Variants in DPYD observed in about 807,000 individuals in gnomAD.
DPYD encodes dihydropyrimidine dehydrogenase [NADP(+)].
In DPYD, 109 loss-of-function variants were observed where a neutral mutation model predicts 116.2. The ratio of observed to expected loss-of-function variants is 0.94; its 90% confidence interval spans 0.80 to 1.10. The LOEUF (loss-of-function observed/expected upper bound fraction) is 1.10. DPYD is among the 50% of genes least tolerant of loss of function. The pLI, the probability that DPYD is intolerant of heterozygous loss-of-function variation, is 0.00. For synonymous variants in DPYD, 440 were observed against 432.0 expected (o/e 1.02, Z -0.23); for missense variants, 1,302 against 1,254.5 (o/e 1.04, Z -0.57).
intron 21 of DPYD, among the ~76,000 whole-genome samples, chr1:97,095,191 T>G (rs776075767): frequency 1.3e-5 from 2 of 152,146 alleles, no homozygotes; most frequent in Non-Finnish European, 2.9e-5. Flanking sequence ...GCATAAAACT[T>G]TTTTCTAGAG....
chr1:97,157,584 A>C (rs930902123), intron 20 of DPYD, among the ~76,000 whole-genome samples: 12 of 152,140 alleles, frequency 7.9e-5, no homozygotes, highest in African/African-American at 2.9e-4. Flanking sequence ...TTCCATGGTG[A>C]CTGAATGGGG....
chr1:97,682,897 C>G (rs915653203), intron 7 of DPYD, among the ~76,000 whole-genome samples: 1 of 152,078 alleles, frequency 6.6e-6, no homozygotes, highest in African/African-American at 2.4e-5. Flanking sequence ...GTAATAGTCA[C>G]TACTTTATTC....
intron 12 of DPYD, chr1:97,546,200 C>T (rs1650843216): frequency 4.6e-6 from 7 of 1,525,534 alleles, no homozygotes; most frequent in Non-Finnish European, 6.4e-6. Context: ...CTAACAAGAA[C>T]AGGACAAAAC....
chr1:97,443,447 C>G (rs985471512), intron 14 of DPYD, among the ~76,000 whole-genome samples: 20 of 152,120 alleles, frequency 1.3e-4, no homozygotes, highest in Admixed American at 6.6e-4. Context: ...ACTAGTCTTC[C>G]CTTCAATAGT....
chr1:97,210,939 C>G (rs1231842545), intron 19 of DPYD, among the ~76,000 whole-genome samples: 1 of 152,172 alleles, frequency 6.6e-6, no homozygotes, highest in Admixed American at 6.6e-5. Flanking sequence ...ATAACCACAG[C>G]TTCTTGCAAC....
intron 13 of DPYD, among the ~76,000 whole-genome samples, chr1:97,467,630 TGTC>T (rs1248421666): frequency 6.6e-6 from 1 of 152,194 alleles, no homozygotes; most frequent in Non-Finnish European, 1.5e-5. Context: ...GCTATCAGGT[TGTC>T]AGTGTTTGTC....
At chr1:97,316,042 G>C (rs560623324) in intron 16 of DPYD, among the ~76,000 whole-genome samples, 56 of 152,120 alleles carry the variant, frequency 3.7e-4, no homozygotes, top group African/African-American at 1.3e-3. Context: ...GGAAGCAATT[G>C]TGCAAATGCC....
At chr1:97,746,788 A>T (rs2101085857) in intron 3 of DPYD, among the ~76,000 whole-genome samples, 1 of 152,248 alleles carries the variant, frequency 6.6e-6, no homozygotes, top group East Asian at 1.9e-4. Flanking sequence ...AGTACTTAAT[A>T]ATTTCTGAAT....
At chr1:97,208,727 A>G (rs781172237) in intron 19 of DPYD, among the ~76,000 whole-genome samples, 3 of 152,138 alleles carry the variant, frequency 2.0e-5, no homozygotes, top group Non-Finnish European at 4.4e-5. Flanking sequence ...TCAATTATCA[A>G]ACAAAATTGT....
chr1:97,154,007 C>T (rs1208168633), intron 20 of DPYD, among the ~76,000 whole-genome samples: 4 of 148,412 alleles, frequency 2.7e-5, no homozygotes. Context: ...GCGTGGATAT[C>T]GTGATGTGAT....
intron 12 of DPYD, among the ~76,000 whole-genome samples, chr1:97,528,882 T>G (rs2102015406): frequency 6.6e-6 from 1 of 152,306 alleles, no homozygotes; most frequent in South Asian, 2.1e-4. Flanking sequence ...AGAAATTTGA[T>G]TGTGTTATGC....
chr1:97,410,958 T>C (rs1042836610), intron 14 of DPYD, among the ~76,000 whole-genome samples: 1 of 152,106 alleles, frequency 6.6e-6, no homozygotes, highest in South Asian at 2.1e-4. Flanking sequence ...AGGGCCACTA[T>C]TGCAAACAGA....
intron 13 of DPYD, among the ~76,000 whole-genome samples, chr1:97,450,517 T>C (rs1051229495): frequency 6.6e-6 from 1 of 152,172 alleles, no homozygotes; most frequent in African/African-American, 2.4e-5. Flanking sequence ...CTCATTTTAA[T>C]TTGTTTGCAA....
intron 14 of DPYD, among the ~76,000 whole-genome samples, chr1:97,435,824 T>A (rs1675441193): frequency 6.6e-6 from 1 of 151,446 alleles, no homozygotes; most frequent in African/African-American, 2.4e-5. Flanking sequence ...TGTAAAAGAA[T>A]AAACTAGCTA....
At chr1:97,812,531 C>T (rs1046416255) in intron 3 of DPYD, among the ~76,000 whole-genome samples, 1 of 151,988 alleles carries the variant, frequency 6.6e-6, no homozygotes, top group South Asian at 2.1e-4. Context: ...AGTACCCTAA[C>T]AGTAACACAA....
At chr1:97,324,451 A>T (rs1668607304) in intron 16 of DPYD, among the ~76,000 whole-genome samples, 1 of 152,074 alleles carries the variant, frequency 6.6e-6, no homozygotes, top group Non-Finnish European at 1.5e-5. Context: ...CAAGGTAGCC[A>T]GGACACACAC....
At chr1:97,719,069 C>T (rs1020295455) in intron 5 of DPYD, among the ~76,000 whole-genome samples, 5 of 147,454 alleles carry the variant, frequency 3.4e-5, no homozygotes, top group African/African-American at 1.3e-4. Flanking sequence ...ATGAACACAC[C>T]AGTGTGTGAA....
At chr1:97,407,013 A>T (rs954079069) in intron 14 of DPYD, among the ~76,000 whole-genome samples, 3 of 152,186 alleles carry the variant, frequency 2.0e-5, no homozygotes, top group African/African-American at 7.2e-5. Flanking sequence ...TCAATGGCAC[A>T]TAAAGAGCTT....
intron 3 of DPYD, among the ~76,000 whole-genome samples, chr1:97,784,844 C>A (rs533076344): frequency 6.6e-6 from 1 of 152,254 alleles, no homozygotes; most frequent in Non-Finnish European, 1.5e-5. Flanking sequence ...GTTAAATAGA[C>A]ACTAACAAAG....
Sources: gnomAD v4.1 joint callset for allele counts (sites outside exome capture counted in the v4.1 genomes callset) on GRCh38, gnomAD v4.1.1 for gene constraint, MANE v1.5 for transcripts, NCBI Gene and HGNC (gene_info 2026-07-23, HGNC 2026-07-21) for gene names.